DCBLD2: variants seen among roughly 807,000 people sequenced by gnomAD.
DCBLD2 encodes discoidin, CUB and LCCL domain containing 2.
DCBLD2 carries 54 observed loss-of-function variants against 86.8 expected under a neutral mutation model. The ratio of observed to expected loss-of-function variants is 0.62; its 90% confidence interval spans 0.50 to 0.78. The LOEUF (loss-of-function observed/expected upper bound fraction) is 0.78. DCBLD2 is among the 30% of genes least tolerant of loss of function. DCBLD2 has a pLI of 0.00. For missense variants in DCBLD2, 908 were observed against 954.2 expected (o/e 0.95, Z 0.64); for synonymous variants, 354 against 341.3 (o/e 1.04, Z -0.41).
At chr3:98,850,566 A>G (rs1187903120) in intron 2 of DCBLD2, among the ~76,000 whole-genome samples, 9 of 152,214 alleles carry the variant, frequency 5.9e-5, no homozygotes. Flanking sequence ...ACTAATAAAT[A>G]ATAAAAACTG....
At position 98,901,475 on chromosome 3, in the gene DCBLD2, T is replaced by A; in HGVS notation, c.-149A>T. 1.4e-6 allele frequency: 1 copy of A among 729,614 alleles called. No individual in the cohort carries two copies. The allele number at this position is 729,614 out of a possible 1,614,324, so 45.2% of individuals were successfully genotyped here. A position where few individuals can be genotyped will look rare whatever the true frequency, so the allele number is the denominator to read the frequency against. On this transcript the variant is annotated 5_prime_UTR_variant, in exon 1 of 16. Coordinates refer to ENST00000326840, the MANE Select transcript of DCBLD2 (RefSeq NM_080927.4). ...CCCCGCGCCGGGACCCTTCCGCCCC[T>A]CACCCCGCTTTCACCTACTCCTCCT...
At chr3:98,877,091 A>G (rs1399088352) in intron 2 of DCBLD2, among the ~76,000 whole-genome samples, 1 of 152,208 alleles carries the variant, frequency 6.6e-6, no homozygotes. Context: ...AAGGGGAGGA[A>G]TGTCACTTAT....
chr3:98,804,198 CT>C (rs1335296733), intron 13 of DCBLD2, among the ~76,000 whole-genome samples: 1 of 152,086 alleles, frequency 6.6e-6, no homozygotes, highest in African/African-American at 2.4e-5. Context: ...GGTTGGTAGG[CT>C]ATTAATTATT....
At chr3:98,898,452 C>A (rs951399222) in intron 1 of DCBLD2, among the ~76,000 whole-genome samples, 1 of 150,450 alleles carries the variant, frequency 6.6e-6, no homozygotes, top group Non-Finnish European at 1.5e-5. Context: ...TCAAAGAAAC[C>A]TTTTTTGCAG....
intron 2 of DCBLD2, among the ~76,000 whole-genome samples, chr3:98,873,218 A>T (rs1943308580): frequency 6.6e-6 from 1 of 152,138 alleles, no homozygotes; most frequent in South Asian, 2.1e-4. Flanking sequence ...ACTTTATAAA[A>T]GCAAAACCTC....
chr3:98,900,467 T>C (rs2107538335), intron 1 of DCBLD2, among the ~76,000 whole-genome samples: 1 of 152,188 alleles, frequency 6.6e-6, no homozygotes, highest in South Asian at 2.1e-4. Flanking sequence ...TTTCAAGGAT[T>C]GTAGGTGGAA....
At chr3:98,817,689 T>C (rs1942047607) in intron 9 of DCBLD2, 80 bp downstream of exon 9, 2 of 1,429,964 alleles carry the variant, frequency 1.4e-6, no homozygotes, top group African/African-American at 1.4e-5. Context: ...TCTACATCTC[T>C]TTTATACAGG....
chr3:98,887,563 A>G (rs1376485268), intron 1 of DCBLD2, among the ~76,000 whole-genome samples: 1 of 152,038 alleles, frequency 6.6e-6, no homozygotes, highest in East Asian at 1.9e-4. Context: ...TCTGAAATTA[A>G]TACAGTGACT....
intron 2 of DCBLD2, among the ~76,000 whole-genome samples, chr3:98,862,355 CCTAA>C (rs1943059364): frequency 6.6e-6 from 1 of 152,142 alleles, no homozygotes; most frequent in Non-Finnish European, 1.5e-5. Flanking sequence ...GGGAATCCTC[CCTAA>C]CTCTTTTTAT....
chr3:98,885,041 A>G (rs1389019034), intron 1 of DCBLD2, among the ~76,000 whole-genome samples: 2 of 152,202 alleles, frequency 1.3e-5, no homozygotes, highest in African/African-American at 2.4e-5. Context: ...AAAGTTAACA[A>G]AAGAAATACT....
chr3:98,889,140 C>G (rs1943612622), intron 1 of DCBLD2, among the ~76,000 whole-genome samples: 1 of 151,970 alleles, frequency 6.6e-6, no homozygotes, highest in African/African-American at 2.4e-5. Context: ...GAGCATATAT[C>G]TGCCTGGCAA....
chr3:98,883,835 T>G lies in DCBLD2; in HGVS notation c.206-2068A>C, dbSNP rs1207553750. Among the ~76,000 whole-genome samples the G allele has an allele frequency of 2.0e-5, 3 of 152,148 alleles. No individual in the cohort carries two copies. In the East Asian group the frequency reaches 5.8e-4, roughly 29 times the overall value. ...AACTCAATATGGACACAGAGGGCTG[T>G]AATAGAACTTTCTACTATGTTGATT... On this transcript the variant is annotated intron_variant, in intron 1 of 15. Transcript: ENST00000326840.
intron 2 of DCBLD2, among the ~76,000 whole-genome samples, chr3:98,859,650 C>T (rs1220665430): frequency 6.6e-6 from 1 of 152,202 alleles, no homozygotes; most frequent in Non-Finnish European, 1.5e-5. Flanking sequence ...TCCAACAGAC[C>T]TCAGCTGAGG....
rs1196372008 is a variant in DCBLD2 at position 98,811,286 on chromosome 3, G to T, written c.1484C>A (p.Pro495His). Residue 495 changes from proline to histidine, a missense_variant, in exon 12 of 16, where the codon CCT (proline) becomes CAT (histidine). Physicochemically the swap from Pro to His is moderately conservative, Grantham distance 77. This residue lies in a region of DCBLD2 where 606 missense variants were observed against 678.5 expected (regional missense o/e 0.89). Coordinates refer to ENST00000326840, the MANE Select transcript of DCBLD2 (RefSeq NM_080927.4). ...RAPKFTQPLQ[P>H]RSSNEFPAQT... is the part of the protein sequence containing the mutation. ...TGCAGGAAATTCATTGCTACTGCGA[G>T]GTTGTAGTGGTTGCGTAAATTTTGG... The T allele has an allele frequency of 1.2e-6, 2 of 1,612,194 alleles. No homozygotes were observed. Among genetic ancestry groups the T allele is most frequent in the African/African-American group, 2.7e-5 (2 of 74,770 alleles).
intron 3 of DCBLD2, among the ~76,000 whole-genome samples, chr3:98,837,801 C>A (rs1298238383): frequency 7.8e-6 from 1 of 127,918 alleles, no homozygotes; most frequent in Admixed American, 7.2e-5. Context: ...CCAGACGGGG[C>A]GGCTGGCCGG....
intron 3 of DCBLD2, among the ~76,000 whole-genome samples, chr3:98,825,572 C>A (rs1942200156): frequency 6.8e-6 from 1 of 147,024 alleles, no homozygotes; most frequent in African/African-American, 2.5e-5. Flanking sequence ...GAGCAATGTC[C>A]CCTCAATACT....
At chr3:98,804,736 A>T (rs971345048) in intron 13 of DCBLD2, among the ~76,000 whole-genome samples, 2 of 152,152 alleles carry the variant, frequency 1.3e-5, no homozygotes, top group African/African-American at 4.8e-5. Context: ...AGATTCTGGT[A>T]TGTTGTGTCT....
chr3:98,879,202 C>T (rs560001596), intron 2 of DCBLD2, among the ~76,000 whole-genome samples: 3 of 152,296 alleles, frequency 2.0e-5, no homozygotes, highest in South Asian at 4.1e-4. Context: ...CTCAGCTTCA[C>T]TAATGTGCCC....
intron 3 of DCBLD2, among the ~76,000 whole-genome samples, chr3:98,843,705 T>C (rs1942662290): frequency 6.6e-6 from 1 of 152,222 alleles, no homozygotes; most frequent in South Asian, 2.1e-4. Flanking sequence ...ATAGCAATGA[T>C]AATCTTGTTA....
Sources: allele counts gnomAD v4.1 joint callset (sites outside exome capture counted in the v4.1 genomes callset), GRCh38; gene constraint gnomAD v4.1.1; regional missense constraint gnomAD v4.1.1; transcripts MANE v1.5; gene names NCBI Gene and HGNC (gene_info 2026-07-23, HGNC 2026-07-21).